The following MYO10 variants were observed in gnomAD, a reference collection of about 807,000 sequenced individuals.
MYO10 encodes myosin X, also known as unconventional myosin-X.
MYO10 carries 133 observed loss-of-function variants against 257.3 expected under a neutral mutation model. That is an observed-to-expected ratio of 0.52 (90% CI 0.45 to 0.60). The LOEUF (loss-of-function observed/expected upper bound fraction) is 0.60, where lower values mean the gene tolerates loss of function less well. MYO10 is among the 20% of genes least tolerant of loss of function. The pLI, the probability that MYO10 is intolerant of heterozygous loss-of-function variation, is 0.00. For synonymous variants in MYO10, 1,104 were observed against 1,028.6 expected (o/e 1.07, Z -1.40); for missense variants, 2,399 against 2,635.7 (o/e 0.91, Z 1.97).
In MYO10 at chr5:16,818,058, C is replaced by G; in HGVS notation, c.230G>C (p.Gly77Ala). Residue 77 changes from glycine to alanine, a missense_variant, in exon 3 of 41, where the codon GGC (glycine) becomes GCC (alanine). This residue lies in a region of MYO10 where 242 missense variants were observed against 249.5 expected (regional missense o/e 0.97). Transcript: ENST00000513610. ...DMASLTELHGGSIMYNLFQRY... is the reference protein window; with the variant it reads ...DMASLTELHGASIMYNLFQRY... Reference sequence around the variant, plus strand: ...CTGGAATAAGTTATACATGATGGAGCCGCCATGGAGCTCTGTCAAGGACGC... The same window carrying G: ...CTGGAATAAGTTATACATGATGGAGGCGCCATGGAGCTCTGTCAAGGACGC... The G allele has an allele frequency of 6.2e-7, 1 of 1,607,702 alleles. No individual in the cohort carries two copies. Among genetic ancestry groups the G allele is most frequent in the Non-Finnish European group, 8.5e-7 (1 of 1,176,338 alleles).
intron 4 of MYO10, 54 bp from the exon 5 acceptor site, chr5:16,783,523 AT>A: frequency 1.3e-6 from 2 of 1,552,050 alleles, no homozygotes; most frequent in Non-Finnish European, 1.7e-6. Context: ...TTAAAAAAAA[AT>A]CAGCTTTGGT....
At chr5:16,683,562 A>ATTTCCTATCATTAT (rs1561178898) in intron 30 of MYO10, among the ~76,000 whole-genome samples, 2 of 152,232 alleles carry the variant, frequency 1.3e-5, no homozygotes, top group African/African-American at 4.8e-5. Flanking sequence ...CATTTTCCTA[A>ATTTCCTATCATTAT]ACAGGCATTT....
chr5:16,668,221 G>A, intron 40 of MYO10, 56 bp downstream of exon 40: 1 of 1,520,324 alleles, frequency 6.6e-7, no homozygotes, highest in African/African-American at 1.4e-5. Context: ...ATGGGGTCCT[G>A]TTTTTCTGTT....
At chr5:16,714,716 A>C (rs1738772815) in intron 19 of MYO10, among the ~76,000 whole-genome samples, 4 of 152,184 alleles carry the variant, frequency 2.6e-5, no homozygotes. Flanking sequence ...CCAGCTACTC[A>C]GGAGGCTGAG....
At chr5:16,751,779 C>T (rs534009067) in intron 19 of MYO10, among the ~76,000 whole-genome samples, 75 of 152,022 alleles carry the variant, frequency 4.9e-4, no homozygotes, top group African/African-American at 1.8e-3. Flanking sequence ...CGCTCCCAGC[C>T]TTCTGAGTGC....
At chr5:16,713,578 GC>G (rs1738717470) in intron 19 of MYO10, 1 of 831,228 alleles carries the variant, frequency 1.2e-6, no homozygotes, top group South Asian at 5.5e-5. Flanking sequence ...GCAAGGAGCG[GC>G]CTCGAGATCC....
At chr5:16,828,141 C>A (rs1743055172) in intron 2 of MYO10, among the ~76,000 whole-genome samples, 1 of 152,116 alleles carries the variant, frequency 6.6e-6, no homozygotes, top group South Asian at 2.1e-4. Context: ...GGCAGAGATG[C>A]TGAGGCTTAG....
rs1320565720 is a variant in MYO10, at chr5:16,748,615, AGG to A, written c.1929+6211_1929+6212del. On this transcript the variant is annotated intron_variant, in intron 19 of 40. Coordinates refer to ENST00000513610, the MANE Select transcript of MYO10 (RefSeq NM_012334.3). ...AGAAAGAAAAGAAAAAGAGGGAGAG[AGG>A]GAGAGAGGGAGGGAGGGAGGGAGGG... Among the ~76,000 whole-genome samples, 104 of 109,772 alleles carry A rather than the reference AGG, an allele frequency of 9.5e-4. 1 individual carries two copies. The highest frequency in any genetic ancestry group is 8.7e-3 in the Admixed American group (94 of 10,792). 72.0% of individuals were successfully genotyped at this position (109,772 alleles called of 152,430 possible).
At chr5:16,682,438 G>A (rs544226407) in intron 30 of MYO10, among the ~76,000 whole-genome samples, 180 of 152,262 alleles carry the variant, frequency 1.2e-3, no homozygotes, top group Non-Finnish European at 2.3e-3. Flanking sequence ...ATAGGTGTAG[G>A]TGGAGCATCT....
chr5:16,902,577 C>T (rs562768757), intron 1 of MYO10: 54 of 1,580,988 alleles, frequency 3.4e-5, no homozygotes, highest in African/African-American at 2.7e-5. Flanking sequence ...GTTAGTGCAG[C>T]GAATAGGCTG....
chr5:16,903,773 G>T (rs936812744), intron 1 of MYO10, among the ~76,000 whole-genome samples: 3 of 152,128 alleles, frequency 2.0e-5, no homozygotes, highest in Non-Finnish European at 4.4e-5. Context: ...ACAGAAAGTG[G>T]CCATAATAAA....
At chr5:16,770,167 G>A (rs374364564) in intron 9 of MYO10, among the ~76,000 whole-genome samples, 35 of 152,256 alleles carry the variant, frequency 2.3e-4, no homozygotes, top group South Asian at 1.9e-3. Flanking sequence ...AGGAGTTCAA[G>A]GTTACGGTGA....
At chr5:16,896,248 C>T (rs977836956) in intron 1 of MYO10, among the ~76,000 whole-genome samples, 9 of 152,082 alleles carry the variant, frequency 5.9e-5, no homozygotes, top group Non-Finnish European at 1.3e-4. Flanking sequence ...TGCTTAAACC[C>T]AGGAATTCAA....
Position 16,742,264 on chromosome 5 carries a change from C to G in MYO10, c.1929+12564G>C. 1.1e-5 allele frequency: 11 copies of G among 984,192 alleles called. No homozygotes were observed. In the South Asian group the frequency reaches 4.7e-4, roughly 42 times the overall value. 61.0% of individuals were successfully genotyped at this position (984,192 alleles called of 1,614,324 possible). A position where few individuals can be genotyped will look rare whatever the true frequency, so the allele number is the denominator to read the frequency against. ...TTCACTCGCTGCAATTTATCCTGAT[C>G]TCTACAGAGCTCTGATGAATAGTTT... is the stretch of plus-strand genomic sequence containing the variant. On this transcript the variant is annotated intron_variant, in intron 19 of 40. Coordinates refer to ENST00000513610, the MANE Select transcript of MYO10 (RefSeq NM_012334.3).
intron 1 of MYO10, among the ~76,000 whole-genome samples, chr5:16,891,936 T>C (rs1238612659): frequency 1.3e-5 from 2 of 152,204 alleles, no homozygotes; most frequent in East Asian, 3.8e-4. Context: ...TCTCTAATTT[T>C]TATATACTTT....
chr5:16,922,806 G>C (rs1746025813), intron 1 of MYO10, among the ~76,000 whole-genome samples: 1 of 152,192 alleles, frequency 6.6e-6, no homozygotes, highest in African/African-American at 2.4e-5. Flanking sequence ...TGAGGAGGGA[G>C]GATAGCTTGG....
chr5:16,912,255 G>A (rs1745678938), intron 1 of MYO10, among the ~76,000 whole-genome samples: 1 of 152,074 alleles, frequency 6.6e-6, no homozygotes, highest in Non-Finnish European at 1.5e-5. Context: ...TATGTTACTT[G>A]TCAACATTTT....
chr5:16,674,886 C>T lies in MYO10; in HGVS notation c.4931G>A (p.Gly1644Glu). The T allele has an allele frequency of 1.2e-6, 2 of 1,613,948 alleles. No homozygotes were observed. Among genetic ancestry groups the T allele is most frequent in the Non-Finnish European group, 1.7e-6 (2 of 1,179,896 alleles). Reference protein sequence around the residue: ...CLSCTFLPSRGILKYLKFHLK... With the variant: ...CLSCTFLPSREILKYLKFHLK... Reference sequence around the variant, plus strand: ...ATGGAACTTGAGATACTTGAGAATCCCTCGACTCGGCAGGAAGGTGCAGCT... The same window carrying T: ...ATGGAACTTGAGATACTTGAGAATCTCTCGACTCGGCAGGAAGGTGCAGCT... Residue 1644 changes from glycine (G) to glutamate (E), a missense_variant, in exon 35 of 41, where the codon GGG (glycine) becomes GAG (glutamate). By Grantham distance (98) the Gly-to-Glu change is moderately conservative. Transcript: ENST00000513610.
chr5:16,835,175 G>A (rs748784348), intron 2 of MYO10, among the ~76,000 whole-genome samples: 40 of 152,076 alleles, frequency 2.6e-4, no homozygotes, highest in Non-Finnish European at 3.8e-4. Context: ...AGACTGTCTC[G>A]GGTGGGTAGA....
Sources: gnomAD v4.1 joint callset for allele counts (sites outside exome capture counted in the v4.1 genomes callset) on GRCh38, gnomAD v4.1.1 for gene constraint, gnomAD v4.1.1 regional missense constraint, MANE v1.5 for transcripts, NCBI Gene and HGNC (gene_info 2026-07-23, HGNC 2026-07-21) for gene names.